PIAS2: variants seen among roughly 807,000 people sequenced by gnomAD.
The protein encoded by PIAS2 is protein inhibitor of activated STAT 2, also known as E3 SUMO-protein ligase PIAS2.
PIAS2 carries 19 observed loss-of-function variants against 69.7 expected under a neutral mutation model. The observed-to-expected ratio is 0.27, with a 90% CI of 0.19 to 0.40. PIAS2 has a LOEUF of 0.40. Among genes scored for constraint, PIAS2 ranks in the 10% least tolerant of loss-of-function variants. The pLI, the probability that PIAS2 is intolerant of heterozygous loss-of-function variation, is 1.00. For missense variants in PIAS2, 624 were observed against 757.0 expected, an observed-to-expected ratio of 0.82 and a Z score of 2.06; for synonymous variants, 261 against 263.2, an observed-to-expected ratio of 0.99 and a Z score of 0.08.
chr18:46,838,450 TCTCA>T (rs988314709), intron 8 of PIAS2, among the ~76,000 whole-genome samples: 1 of 152,160 alleles, frequency 6.6e-6, no homozygotes, highest in African/African-American at 2.4e-5. Context: ...GAGTCCACTC[TCTCA>T]CTGCTATACT....
chr18:46,858,222 T>TAAA (rs11418545), intron 3 of PIAS2, among the ~76,000 whole-genome samples: 3 of 141,230 alleles, frequency 2.1e-5, no homozygotes, highest in Non-Finnish European at 1.5e-5. Flanking sequence ...GAGATAAGAT[T>TAAA]AAAAAAAAAA....
chr18:46,828,095 C>T lies in PIAS2; in HGVS notation c.1372G>A (p.Val458Ile). The change falls in exon 11 of 14, where the codon GTA becomes ATA. Residue 458 changes from valine (V) to isoleucine (I), a missense_variant. Around this residue, in one of 3 missense-constraint regions of PIAS2, gnomAD observed 241 missense variants for 257.3 expected, o/e 0.94. Coordinates refer to ENST00000585916, the MANE Select transcript of PIAS2 (RefSeq NM_004671.5). ...SVLSKPCSVT[V>I]ASEASKKKVD... ...TTCTTCTTGCTTGCCTCACTGGCTA[C>T]AGTCACTGAACAAGGCTTACTGAGG... 1 of 1,613,376 alleles carries T rather than the reference C, an allele frequency of 6.2e-7. No homozygotes were observed. The highest frequency in any genetic ancestry group is 8.5e-7 in the Non-Finnish European group (1 of 1,179,658).
intron 9 of PIAS2, among the ~76,000 whole-genome samples, chr18:46,831,599 T>A (rs1319906969): frequency 1.3e-5 from 2 of 152,194 alleles, no homozygotes; most frequent in Non-Finnish European, 2.9e-5. Context: ...TTCCAGCAAA[T>A]GCAGTATTGA....
intron 2 of PIAS2, among the ~76,000 whole-genome samples, chr18:46,881,073 C>T (rs1017452159): frequency 6.6e-6 from 1 of 152,136 alleles, no homozygotes; most frequent in African/African-American, 2.4e-5. Context: ...TTCACTACCA[C>T]CACCCTACTG....
chr18:46,868,631 C>T (rs1040318473), intron 2 of PIAS2, among the ~76,000 whole-genome samples: 1 of 152,182 alleles, frequency 6.6e-6, no homozygotes, highest in Non-Finnish European at 1.5e-5. Context: ...AAACCCCTTC[C>T]CCTCCTTTGT....
chr18:46,864,255 A>G lies in PIAS2; in HGVS notation c.500-7T>C. On this transcript the variant is annotated splice_polypyrimidine_tract_variant and splice_region_variant and intron_variant, in intron 2 of 13. Coordinates refer to ENST00000585916, the MANE Select transcript of PIAS2 (RefSeq NM_004671.5). ...CGCTGAATACTGCTTTGAACTGGGA[A>G]GAAAAAAAAAAAGAAAGATAATATT... The G allele has an allele frequency of 6.5e-7, 1 of 1,544,772 alleles. No homozygotes were observed. The highest frequency in any genetic ancestry group is 8.8e-7 in the Non-Finnish European group (1 of 1,140,230).
At chr18:46,883,089 C>T (rs1273295919) in intron 2 of PIAS2, among the ~76,000 whole-genome samples, 2 of 149,412 alleles carry the variant, frequency 1.3e-5, no homozygotes, top group African/African-American at 2.5e-5. Context: ...CAGAGGGAGA[C>T]TCCGTCTCAA....
At position 46,803,881 on chromosome 18, in the gene PIAS2, A is replaced by C. The variant is rs1432611684; in HGVS notation, c.*8552T>G. The C allele has an allele frequency of 6.6e-6, 1 of 152,162 alleles. No homozygotes were observed. The highest frequency in any genetic ancestry group is 1.5e-5 in the Non-Finnish European group (1 of 68,066). 9.4% of individuals were successfully genotyped at this position (152,162 alleles called of 1,614,324 possible). On this transcript the variant is annotated 3_prime_UTR_variant, in exon 14 of 14. Transcript: ENST00000585916. ...TACTCCCATATTATCCCCACTGTGCACTGCTCTACCCACCCCTCATTAATG... is the reference window on the plus strand; with the variant it reads ...TACTCCCATATTATCCCCACTGTGCCCTGCTCTACCCACCCCTCATTAATG...
At chr18:46,836,603 T>C (rs968975821) in intron 8 of PIAS2, 86 bp from the exon 9 acceptor site, 84 of 863,432 alleles carry the variant, frequency 9.7e-5, no homozygotes, top group Admixed American at 8.6e-4. Flanking sequence ...AGTCGGAAGA[T>C]GTCATACAAG....
In PIAS2 at chr18:46,906,773, T is replaced by G. The variant is rs75579114; in HGVS notation, c.24+10549A>C. On this transcript the variant is annotated intron_variant, in intron 1 of 13. Coordinates refer to ENST00000585916, the MANE Select transcript of PIAS2 (RefSeq NM_004671.5). Reference sequence around the variant, plus strand: ...TACCAACAAGATGTATGTGTGTGTGTGGGGGGGGGGGGAGGTGTATAACAT... The same window carrying G: ...TACCAACAAGATGTATGTGTGTGTGGGGGGGGGGGGGGAGGTGTATAACAT... 4.6e-3 allele frequency among the ~76,000 whole-genome samples: 372 copies of G among 80,682 alleles called. 3 individuals are homozygous for G. Among genetic ancestry groups the G allele is most frequent in the African/African-American group, 7.2e-3 (159 of 22,066 alleles). The allele number at this position is 80,682 out of a possible 152,430, so 52.9% of individuals were successfully genotyped here.
chr18:46,856,517 CT>C (rs2047862678), intron 3 of PIAS2, among the ~76,000 whole-genome samples: 1 of 152,092 alleles, frequency 6.6e-6, no homozygotes, highest in African/African-American at 2.4e-5. Flanking sequence ...AGATGAGAAT[CT>C]AATGGTCCCA....
At position 46,885,061 on chromosome 18, in the gene PIAS2, C is replaced by T. The variant is rs191178538; in HGVS notation, c.499+5519G>A. 7.2e-5 allele frequency among the ~76,000 whole-genome samples: 11 copies of T among 152,242 alleles called. No homozygotes were observed. The East Asian group carries it at 2.1e-3, about 29-fold the overall frequency. Reference sequence around the variant, plus strand: ...TTATCCATTTTGTTAACAGTAGAACCTTAGCTACAGAGCACTTTATTTAGT... The same window carrying T: ...TTATCCATTTTGTTAACAGTAGAACTTTAGCTACAGAGCACTTTATTTAGT... On this transcript the variant is annotated intron_variant, in intron 2 of 13. Transcript: ENST00000585916.
intron 2 of PIAS2, among the ~76,000 whole-genome samples, chr18:46,868,214 C>T (rs576283096): frequency 1.9e-4 from 29 of 152,360 alleles, no homozygotes; most frequent in African/African-American, 6.3e-4. Context: ...GTAAGTTCCT[C>T]TTCAAAGGTT....
intron 11 of PIAS2, chr18:46,827,700 C>G (rs1388004728): frequency 3.1e-6 from 1 of 325,596 alleles, no homozygotes; most frequent in Non-Finnish European, 5.7e-6. Flanking sequence ...TCCTTACAAA[C>G]AGGTTCAAGA....
intron 10 of PIAS2, among the ~76,000 whole-genome samples, chr18:46,829,320 A>G (rs1051941863): frequency 7.2e-5 from 11 of 152,114 alleles, no homozygotes; most frequent in African/African-American, 2.7e-4. Context: ...TGAGCAACTA[A>G]CCTGTGACCA....
At chr18:46,918,078 T>TGG (rs1296566820), upstream of PIAS2, 14 of 150,724 alleles carry the variant, frequency 9.3e-5, no homozygotes, top group African/African-American at 2.9e-4. Flanking sequence ...GCGGTGGGGT[T>TGG]GGGGGCGGGG....
upstream of PIAS2, among the ~76,000 whole-genome samples, chr18:46,919,005 A>G (rs1385394982): frequency 3.4e-5 from 5 of 147,180 alleles, no homozygotes; most frequent in Non-Finnish European, 7.4e-5. Context: ...GTATATATAT[A>G]TATGTGTGTG....
intron 3 of PIAS2, among the ~76,000 whole-genome samples, chr18:46,858,650 T>G (rs192428507): frequency 1.3e-5 from 2 of 152,294 alleles, no homozygotes; most frequent in African/African-American, 4.8e-5. Flanking sequence ...TGAGCCTTGA[T>G]TGCGGCACTG....
chr18:46,910,674 T>C (rs1196200449), intron 1 of PIAS2, among the ~76,000 whole-genome samples: 1 of 152,160 alleles, frequency 6.6e-6, no homozygotes, highest in Non-Finnish European at 1.5e-5. Context: ...CAAAGAAACC[T>C]TTCAGAATGT....
Sources: gnomAD v4.1 joint callset for allele counts (sites outside exome capture counted in the v4.1 genomes callset) on GRCh38, gnomAD v4.1.1 for gene constraint, gnomAD v4.1.1 regional missense constraint, MANE v1.5 for transcripts, NCBI Gene and HGNC (gene_info 2026-07-23, HGNC 2026-07-21) for gene names.